MARCHF6: variants seen among roughly 807,000 people sequenced by gnomAD.
The protein encoded by MARCHF6 is E3 ubiquitin-protein ligase MARCHF6.
Under a neutral mutation model 133.7 loss-of-function variants are expected in MARCHF6, and 31 were observed. The ratio of observed to expected loss-of-function variants is 0.23; its 90% CI spans 0.17 to 0.31. The LOEUF is 0.31. Ranked by LOEUF, MARCHF6 falls within the 10% of genes least tolerant of loss-of-function variation. The pLI is 1.00. For missense variants in MARCHF6, 723 were observed against 1,121.6 expected, an observed-to-expected ratio of 0.64 and a Z score of 5.08; for synonymous variants, 395 against 402.5, an observed-to-expected ratio of 0.98 and a Z score of 0.22.
chr5:10,400,681 T>C (rs1738475430), intron 10 of MARCHF6, 103 bp from the exon 11 acceptor site: 6 of 837,542 alleles, frequency 7.2e-6, no homozygotes, highest in Admixed American at 6.0e-5. Context: ...CTGGAATCTT[T>C]CATTTCTCCA....
chr5:10,430,131 A>G (rs974100034), intron 25 of MARCHF6, 103 bp downstream of exon 25: 13 of 1,339,560 alleles, frequency 9.7e-6, no homozygotes, highest in South Asian at 1.4e-5. Flanking sequence ...CAGATTCTGG[A>G]TATACTTGGA....
intron 1 of MARCHF6, among the ~76,000 whole-genome samples, chr5:10,356,382 A>AT (rs773837156): frequency 3.8e-4 from 52 of 136,020 alleles, no homozygotes; most frequent in Non-Finnish European, 4.2e-4. Context: ...ATTTTATTTT[A>AT]TTTTATTTTA....
intron 1 of MARCHF6, among the ~76,000 whole-genome samples, chr5:10,377,077 G>T (rs182751251): frequency 0.011 from 1,723 of 152,216 alleles, 17 homozygotes; most frequent in Non-Finnish European, 0.018. Flanking sequence ...CTCTGCCGTC[G>T]TGCTGCTTTG....
intron 22 of MARCHF6, among the ~76,000 whole-genome samples, chr5:10,422,935 C>T (rs1455546730): frequency 1.3e-5 from 2 of 151,340 alleles, no homozygotes; most frequent in Admixed American, 1.3e-4. Flanking sequence ...TCACAGAGGA[C>T]TCCCGTCTTT....
rs2126759248 is a variant in MARCHF6 at position 10,400,837 on chromosome 5, G to C, written c.967G>C (p.Glu323Gln). ...CTCCCTTGTTGGTTTGGGATTTGAA[G>C]AACACGTGAGTATAATACTTTTACA... The part of the protein sequence containing the change: ...HFSLVGLGFE[E>Q]HVQASHFEGL... The change falls in exon 11 of 26, where the codon GAA (glutamate) becomes CAA (glutamine). Residue 323 changes from glutamate (E) to glutamine (Q), a missense_variant. Around this residue, in one of 4 missense-constraint regions of MARCHF6, gnomAD observed 43 missense variants for 97.9 expected, o/e 0.44. Coordinates refer to ENST00000274140, the MANE Select transcript of MARCHF6 (RefSeq NM_005885.4). 6.2e-7 allele frequency: 1 copy of C among 1,607,726 alleles called. No homozygotes were observed. The highest frequency in any genetic ancestry group is 2.2e-5 in the East Asian group (1 of 44,806).
intron 21 of MARCHF6, among the ~76,000 whole-genome samples, chr5:10,416,609 G>T (rs57843922): frequency 1.0e-3 from 159 of 152,242 alleles, no homozygotes; most frequent in African/African-American, 3.5e-3. Context: ...GTTGAAACAG[G>T]TGTGTTTTCT....
chr5:10,360,484 T>C (rs541925729), intron 1 of MARCHF6, among the ~76,000 whole-genome samples: 31 of 152,252 alleles, frequency 2.0e-4, no homozygotes, highest in Admixed American at 3.3e-4. Flanking sequence ...CCCTAACTCT[T>C]GTTCAGGGGA....
chr5:10,355,440 C>A (rs1735394460), intron 1 of MARCHF6, among the ~76,000 whole-genome samples: 1 of 152,186 alleles, frequency 6.6e-6, no homozygotes, highest in Non-Finnish European at 1.5e-5. Flanking sequence ...GGCATTGCTA[C>A]TTGCATACTT....
At chr5:10,396,391 G>GTGTT in intron 9 of MARCHF6, among the ~76,000 whole-genome samples, 1 of 152,298 alleles carries the variant, frequency 6.6e-6, no homozygotes. Flanking sequence ...AGTATAAAAT[G>GTGTT]TGTTGGGGAT....
chr5:10,387,129 C>A (rs1024051335), intron 5 of MARCHF6, 63 bp downstream of exon 5: 2 of 1,193,826 alleles, frequency 1.7e-6, no homozygotes, highest in Non-Finnish European at 2.4e-6. Context: ...TTTTTCCTTG[C>A]ATATTTATTT....
chr5:10,427,648 C>T (rs1740158551), intron 24 of MARCHF6, among the ~76,000 whole-genome samples: 1 of 152,202 alleles, frequency 6.6e-6, no homozygotes, highest in Non-Finnish European at 1.5e-5. Context: ...CACAACCAAA[C>T]TTGCAGTGTA....
At chr5:10,358,530 A>G (rs987369279) in intron 1 of MARCHF6, among the ~76,000 whole-genome samples, 3 of 152,196 alleles carry the variant, frequency 2.0e-5, no homozygotes, top group Admixed American at 2.0e-4. Flanking sequence ...TTCCTCAAAC[A>G]ATACAGTATG....
In MARCHF6 at chr5:10,440,127, G is replaced by A. The variant is rs1315535843; in HGVS notation, c.*6443G>A. On this transcript the variant is annotated 3_prime_UTR_variant, in exon 26 of 26. Transcript: ENST00000274140. ...CATGTTGTTTCCCACTTGAATGTAA[G>A]CTCCAAAGATTTTATTTTTTTAAAC... The A allele has an allele frequency of 6.6e-6, 1 of 152,194 alleles. No individual in the cohort carries two copies. Among genetic ancestry groups the A allele is most frequent in the Non-Finnish European group, 1.5e-5 (1 of 68,036 alleles). The allele number at this position is 152,194 out of a possible 1,614,324, so 9.4% of individuals were successfully genotyped here. A position where few individuals can be genotyped will look rare whatever the true frequency, so the allele number is the denominator to read the frequency against.
At chr5:10,429,487 C>A (rs1428907990) in intron 24 of MARCHF6, among the ~76,000 whole-genome samples, 2 of 151,672 alleles carry the variant, frequency 1.3e-5, no homozygotes, top group Non-Finnish European at 2.9e-5. Context: ...CAACCTCCAC[C>A]TCTCAGGTTC....
chr5:10,378,880 T>G lies in MARCHF6; in HGVS notation c.190+48T>G, dbSNP rs1407547407. ...CTGCATTTTTTTTGGTTATCACTCG[T>G]GGCATAAAGGTGTTTGATATGATCA... On this transcript the variant is annotated intron_variant, in intron 3 of 25. Transcript: ENST00000274140. 5 of 1,276,042 alleles carry G rather than the reference T, an allele frequency of 3.9e-6. No homozygotes were observed. The East Asian group carries it at 1.2e-4, about 30-fold the overall frequency. The allele number at this position is 1,276,042 out of a possible 1,614,324, so 79.0% of individuals were successfully genotyped here. A position where few individuals can be genotyped will look rare whatever the true frequency, so the allele number is the denominator to read the frequency against.
chr5:10,414,091 A>T (rs548870090), intron 19 of MARCHF6, among the ~76,000 whole-genome samples: 2 of 152,286 alleles, frequency 1.3e-5, no homozygotes, highest in Non-Finnish European at 2.9e-5. Context: ...TTTTAATTGG[A>T]TAGCACTGTT....
chr5:10,388,503 A>G (rs901913471), intron 5 of MARCHF6, among the ~76,000 whole-genome samples: 2 of 152,210 alleles, frequency 1.3e-5, no homozygotes, highest in African/African-American at 4.8e-5. Context: ...TTAGTGGCTT[A>G]AAACAGCTAC....
intron 7 of MARCHF6, among the ~76,000 whole-genome samples, chr5:10,393,547 T>C (rs1021494943): frequency 1.3e-5 from 2 of 152,236 alleles, no homozygotes; most frequent in African/African-American, 2.4e-5. Context: ...CTGGCCGTTA[T>C]TTCTCTCTCT....
chr5:10,415,552 A>ATGGTCTCTAT lies in MARCHF6; in HGVS notation c.2031_2032insTGGTCTCTAT (p.Ala678TrpfsTer37). The ATGGTCTCTAT allele has an allele frequency of 6.2e-7, 1 of 1,614,168 alleles. No homozygotes were observed. Among genetic ancestry groups the ATGGTCTCTAT allele is most frequent in the Non-Finnish European group, 8.5e-7 (1 of 1,180,038 alleles). ...CTGCCAAAATCCATGAGCTCTACAC[A>ATGGTCTCTAT]GCTGCTTGTGGTCTCTATGTTTGCT... On this transcript the variant is annotated frameshift_variant, in exon 21 of 26. Transcript: ENST00000274140. LOFTEE classifies it high-confidence loss of function.
Sources: allele counts gnomAD v4.1 joint callset (sites outside exome capture counted in the v4.1 genomes callset), GRCh38; gene constraint gnomAD v4.1.1; regional missense constraint gnomAD v4.1.1; transcripts MANE v1.5; gene names NCBI Gene and HGNC (gene_info 2026-07-23, HGNC 2026-07-21).